The following ARK2C variants were observed in gnomAD, a reference collection of about 807,000 sequenced individuals.
ARK2C encodes E3 ubiquitin-protein ligase ARK2C.
chr18:46,362,034 G>A, the ARK2C span, among the ~76,000 whole-genome samples: 1 of 152,258 alleles, frequency 6.6e-6, no homozygotes, highest in African/African-American at 2.4e-5. Flanking sequence ...GCAAAATGGA[G>A]CTTGAATTGG....
chr18:46,446,208 T>C, the ARK2C span, among the ~76,000 whole-genome samples: 1 of 152,184 alleles, frequency 6.6e-6, no homozygotes, highest in African/African-American at 2.4e-5. Flanking sequence ...CCTTTATTTC[T>C]TTAGGGGAAG....
At chr18:46,456,346 T>C in the ARK2C span, among the ~76,000 whole-genome samples, 4 of 152,174 alleles carry the variant, frequency 2.6e-5, no homozygotes, top group African/African-American at 9.7e-5. Flanking sequence ...GTTGTGGCTT[T>C]GTTTCAGGCT....
At chr18:46,415,418 C>T in the ARK2C span, among the ~76,000 whole-genome samples, 18 of 151,780 alleles carry the variant, frequency 1.2e-4, no homozygotes, top group East Asian at 2.7e-3. Context: ...CCCAGCTACT[C>T]GGGAGGCTGA....
chr18:46,418,319 T>C, the ARK2C span, among the ~76,000 whole-genome samples: 2 of 152,214 alleles, frequency 1.3e-5, no homozygotes, highest in South Asian at 2.1e-4. Context: ...ATTATGCCAT[T>C]GCACTCCAGC....
the ARK2C span, among the ~76,000 whole-genome samples, chr18:46,379,818 T>C: frequency 6.6e-6 from 1 of 152,248 alleles, no homozygotes; most frequent in African/African-American, 2.4e-5. Context: ...GTTCAAGAGA[T>C]GCCTAGAGGC....
At chr18:46,351,637 C>T in the ARK2C span, among the ~76,000 whole-genome samples, 2 of 152,176 alleles carry the variant, frequency 1.3e-5, no homozygotes, top group Non-Finnish European at 2.9e-5. Flanking sequence ...TTATAGGCAT[C>T]ATCTCTTTGT....
chr18:46,339,158 G>C, the ARK2C span, among the ~76,000 whole-genome samples: 1 of 152,102 alleles, frequency 6.6e-6, no homozygotes, highest in South Asian at 2.1e-4. Context: ...TGTTTGTTTC[G>C]TTTTCTTCTT....
the ARK2C span, among the ~76,000 whole-genome samples, chr18:46,358,883 T>G: frequency 3.3e-5 from 5 of 152,144 alleles, no homozygotes; most frequent in African/African-American, 1.2e-4. Flanking sequence ...GCTTTTGACT[T>G]AAAGACCACA....
At chr18:46,383,329 T>C in the ARK2C span, among the ~76,000 whole-genome samples, 1 of 152,132 alleles carries the variant, frequency 6.6e-6, no homozygotes, top group Non-Finnish European at 1.5e-5. Flanking sequence ...TTTAAGTTGC[T>C]AATGAGGGAA....
chr18:46,412,872 G>C, the ARK2C span, among the ~76,000 whole-genome samples: 1 of 152,084 alleles, frequency 6.6e-6, no homozygotes, highest in Non-Finnish European at 1.5e-5. Flanking sequence ...AGGCCCAAAG[G>C]GGAGCCCTTT....
chr18:46,373,745 G>T, the ARK2C span, among the ~76,000 whole-genome samples: 1 of 152,292 alleles, frequency 6.6e-6, no homozygotes, highest in Non-Finnish European at 1.5e-5. Context: ...GGTGTGGGGG[G>T]AATTGTTATC....
At chr18:46,399,384 C>T in the ARK2C span, among the ~76,000 whole-genome samples, 7 of 152,194 alleles carry the variant, frequency 4.6e-5, no homozygotes, top group Admixed American at 6.5e-5. Flanking sequence ...ATGTGTCCCC[C>T]GCCCCCCATT....
At chr18:46,427,018 G>T in the ARK2C span, among the ~76,000 whole-genome samples, 123 of 152,354 alleles carry the variant, frequency 8.1e-4, no homozygotes, top group African/African-American at 2.8e-3. Context: ...ACCAAACAGA[G>T]CAGCTGCTGC....
At chr18:46,416,679 C>T in the ARK2C span, among the ~76,000 whole-genome samples, 10,205 of 152,292 alleles carry the variant, frequency 0.067, 869 homozygotes, top group East Asian at 0.4. Context: ...TCCTTTTGGT[C>T]TTCTTGGGCT....
the ARK2C span, chr18:46,450,201 G>A: frequency 2.5e-6 from 2 of 790,870 alleles, no homozygotes; most frequent in South Asian, 1.4e-5. Flanking sequence ...GCATCTCAGG[G>A]TGTACTGAGT....
the ARK2C span, among the ~76,000 whole-genome samples, chr18:46,368,728 G>T: frequency 6.6e-6 from 1 of 152,198 alleles, no homozygotes; most frequent in African/African-American, 2.4e-5. Flanking sequence ...TAGTGGTCAG[G>T]GTTAGAGCAA....
chr18:46,435,681 A>G, the ARK2C span, among the ~76,000 whole-genome samples: 1 of 152,150 alleles, frequency 6.6e-6, no homozygotes, highest in Non-Finnish European at 1.5e-5. Context: ...GATAGAAAAC[A>G]TTTCCCAGGC....
the ARK2C span, among the ~76,000 whole-genome samples, chr18:46,419,967 C>G: frequency 6.6e-6 from 1 of 152,142 alleles, no homozygotes; most frequent in African/African-American, 2.4e-5. Flanking sequence ...ATGCACACCT[C>G]CCCTCCCCAA....
the ARK2C span, chr18:46,334,251 G>T: frequency 6.8e-7 from 1 of 1,462,956 alleles, no homozygotes; most frequent in Non-Finnish European, 9.0e-7. The surrounding 1 kb of genome is among the most constrained non-coding windows in gnomAD (Gnocchi z 4.4). Flanking sequence ...AGCCGCCGCC[G>T]CCGCCGCCGC....
Sources: allele counts gnomAD v4.1 joint callset (sites outside exome capture counted in the v4.1 genomes callset), GRCh38; gene constraint gnomAD v4.1.1; non-coding constraint Gnocchi (gnomAD v3.1); transcripts MANE v1.5; gene names NCBI Gene and HGNC (gene_info 2026-07-23, HGNC 2026-07-21).